Variants in CADPS2 observed in about 807,000 individuals in gnomAD.
CADPS2 encodes calcium dependent secretion activator 2.
In CADPS2, 93 loss-of-function variants were observed where a neutral mutation model predicts 172.5. The ratio of observed to expected loss-of-function variants is 0.54; its 90% CI spans 0.46 to 0.64. CADPS2 has a LOEUF of 0.64. Among genes scored for constraint, CADPS2 ranks in the 30% least tolerant of loss-of-function variants. CADPS2 has a pLI of 0.00. For missense variants in CADPS2, 1,420 were observed against 1,565.9 expected (o/e 0.91, Z 1.57); for synonymous variants, 546 against 555.2 (o/e 0.98, Z 0.23).
chr7:122,707,840 A>T (rs907200049), intron 2 of CADPS2, among the ~76,000 whole-genome samples: 1 of 151,452 alleles, frequency 6.6e-6, no homozygotes, highest in African/African-American at 2.4e-5. Context: ...ATCTCCTCTA[A>T]TTACAGCTAA....
At chr7:122,487,694 T>G (rs902892287) in intron 11 of CADPS2, among the ~76,000 whole-genome samples, 1 of 152,160 alleles carries the variant, frequency 6.6e-6, no homozygotes, top group African/African-American at 2.4e-5. Context: ...GGACTCAGAT[T>G]TGAATAAATG....
chr7:122,572,384 G>A (rs2132555388), intron 7 of CADPS2, among the ~76,000 whole-genome samples: 1 of 152,216 alleles, frequency 6.6e-6, no homozygotes, highest in East Asian at 1.9e-4. Context: ...CCATCCCCAT[G>A]GAAGCAGAGG....
At chr7:122,551,515 T>C (rs1447816347) in intron 8 of CADPS2, among the ~76,000 whole-genome samples, 2 of 152,058 alleles carry the variant, frequency 1.3e-5, no homozygotes, top group Admixed American at 6.6e-5. Context: ...AGAGAATACA[T>C]GTTACAATAG....
chr7:122,754,935 A>G (rs185954779), intron 1 of CADPS2, among the ~76,000 whole-genome samples: 2 of 152,340 alleles, frequency 1.3e-5, no homozygotes, highest in African/African-American at 4.8e-5. Flanking sequence ...TTAAGAACAT[A>G]GGAGAACTTA....
intron 1 of CADPS2, among the ~76,000 whole-genome samples, chr7:122,754,427 G>T (rs2093074133): frequency 6.6e-6 from 1 of 152,116 alleles, no homozygotes; most frequent in Non-Finnish European, 1.5e-5. Flanking sequence ...AAAAGGCCTT[G>T]ACAGCATCAG....
chr7:122,388,043 A>G (rs949897402), intron 23 of CADPS2, among the ~76,000 whole-genome samples: 2 of 152,140 alleles, frequency 1.3e-5, no homozygotes, highest in Non-Finnish European at 2.9e-5. Flanking sequence ...CTACGATAAA[A>G]TGAAAGCACA....
chr7:122,477,054 GA>G (rs2056764288), intron 12 of CADPS2, among the ~76,000 whole-genome samples: 1 of 41,030 alleles, frequency 2.4e-5, no homozygotes, highest in Admixed American at 2.3e-4. Context: ...AGAGAGAGAA[GA>G]GAGAGAGAGA....
intron 24 of CADPS2, among the ~76,000 whole-genome samples, chr7:122,384,993 G>A (rs562255771): frequency 1.3e-5 from 2 of 151,980 alleles, no homozygotes; most frequent in Admixed American, 6.6e-5. Context: ...AAGAACAAAC[G>A]GATAAACCCA....
At position 122,679,269 on chromosome 7, in the gene CADPS2, G is replaced by A. The variant is rs574662139; in HGVS notation, c.454-15700C>T. On this transcript the variant is annotated intron_variant, in intron 2 of 29. Transcript: ENST00000449022. ...CCTGGGAAAAGAATGCATTCCTGGGGGGGGGGGGCTCTAAAATGGCCACCC... is the reference window on the plus strand; with the variant it reads ...CCTGGGAAAAGAATGCATTCCTGGGAGGGGGGGGCTCTAAAATGGCCACCC... Among the ~76,000 whole-genome samples the A allele has an allele frequency of 1.7e-5, 2 of 118,464 alleles. 1 individual carries two copies. The highest frequency in any genetic ancestry group is 3.8e-5 in the Non-Finnish European group (2 of 53,130). 77.7% of individuals were successfully genotyped at this position (118,464 alleles called of 152,430 possible). A position where few individuals can be genotyped will look rare whatever the true frequency, so the allele number is the denominator to read the frequency against.
At chr7:122,460,922 C>G (rs1449394661) in intron 14 of CADPS2, among the ~76,000 whole-genome samples, 2 of 152,186 alleles carry the variant, frequency 1.3e-5, no homozygotes, top group Non-Finnish European at 2.9e-5. Context: ...GGTTGGCAAA[C>G]TACGGCCTTT....
chr7:122,359,313 T>C (rs1007455989), intron 27 of CADPS2, among the ~76,000 whole-genome samples: 1 of 152,068 alleles, frequency 6.6e-6, no homozygotes, highest in African/African-American at 2.4e-5. Context: ...TACTTAACAG[T>C]AGGCTGCCAT....
intron 8 of CADPS2, among the ~76,000 whole-genome samples, chr7:122,552,583 G>T (rs187275003): frequency 6.6e-6 from 1 of 151,946 alleles, no homozygotes; most frequent in Non-Finnish European, 1.5e-5. Context: ...CACCTATCCT[G>T]GAGTATGCTA....
At chr7:122,816,698 T>G (rs1166364633) in intron 1 of CADPS2, among the ~76,000 whole-genome samples, 3 of 152,236 alleles carry the variant, frequency 2.0e-5, no homozygotes, top group Admixed American at 2.0e-4. Context: ...CAGCATCCAT[T>G]ATTGCCTGTC....
chr7:122,604,331 A>G (rs927369463), intron 6 of CADPS2, among the ~76,000 whole-genome samples: 1 of 152,070 alleles, frequency 6.6e-6, no homozygotes, highest in Non-Finnish European at 1.5e-5. Context: ...TGCTCTCTAC[A>G]GCAACACTCT....
intron 11 of CADPS2, among the ~76,000 whole-genome samples, chr7:122,487,718 T>C (rs10258166): frequency 0.012 from 1,773 of 152,306 alleles, 33 homozygotes; most frequent in African/African-American, 0.041. Flanking sequence ...GGATATTTCA[T>C]AGTCATGGCT....
At chr7:122,376,939 AT>A (rs1456356997) in intron 25 of CADPS2, among the ~76,000 whole-genome samples, 2 of 152,124 alleles carry the variant, frequency 1.3e-5, no homozygotes, top group African/African-American at 4.8e-5. Flanking sequence ...AATTTGCATC[AT>A]CTTTTTAAAA....
intron 6 of CADPS2, among the ~76,000 whole-genome samples, chr7:122,593,080 G>A (rs2071150783): frequency 1.3e-5 from 2 of 151,852 alleles, no homozygotes; most frequent in Non-Finnish European, 2.9e-5. Context: ...ATAATATACT[G>A]CATGCAATAC....
At chr7:122,712,727 T>C (rs2088948996) in intron 2 of CADPS2, among the ~76,000 whole-genome samples, 1 of 152,096 alleles carries the variant, frequency 6.6e-6, no homozygotes, top group Admixed American at 6.6e-5. Context: ...TTTTGCACAG[T>C]TCTGGAGGCC....
chr7:122,442,544 A>T (rs1014546752), intron 15 of CADPS2, among the ~76,000 whole-genome samples: 1 of 152,120 alleles, frequency 6.6e-6, no homozygotes, highest in African/African-American at 2.4e-5. Context: ...TGGTGGACAT[A>T]TTTTCTCAGA....
Sources: allele counts gnomAD v4.1 joint callset (sites outside exome capture counted in the v4.1 genomes callset), GRCh38; gene constraint gnomAD v4.1.1; transcripts MANE v1.5; gene names NCBI Gene and HGNC (gene_info 2026-07-23, HGNC 2026-07-21).